Variants in GRIP2 observed in about 807,000 individuals in gnomAD.
GRIP2 encodes glutamate receptor interacting protein 2, also known as glutamate receptor-interacting protein 2.
In GRIP2, 58 loss-of-function variants were observed where a neutral mutation model predicts 108.3. The ratio of observed to expected loss-of-function variants is 0.54; its 90% CI spans 0.43 to 0.67. The LOEUF is 0.67. GRIP2 is among the 30% of genes least tolerant of loss of function. GRIP2 has a pLI of 0.00. For missense variants in GRIP2, 1,278 were observed against 1,430.6 expected, an observed-to-expected ratio of 0.89 and a Z score of 1.72; for synonymous variants, 586 against 598.2, an observed-to-expected ratio of 0.98 and a Z score of 0.30.
the GRIP2 span, among the ~76,000 whole-genome samples, chr3:14,583,860 C>G: frequency 1.5e-3 from 229 of 152,336 alleles, no homozygotes; most frequent in Non-Finnish European, 2.4e-3. Context: ...TTCCCTCCTC[C>G]TCCATCTTGG....
At position 14,494,919 on chromosome 3, in the gene GRIP2, C is replaced by T. The variant is rs370509154; in HGVS notation, c.2894G>A (p.Gly965Asp). The change falls in exon 23 of 24, where the codon GGT (glycine) becomes GAT (aspartate). Residue 965 changes from glycine to aspartate, a missense_variant. Gly to Asp is a moderately conservative substitution (Grantham distance 94). Coordinates refer to ENST00000621039, the MANE Select transcript of GRIP2 (RefSeq NM_001080423.4). Reference protein sequence around the residue: ...FSVSDGLLEKGVYVHTVRPDG... With the variant: ...FSVSDGLLEKDVYVHTVRPDG... ...AGGGCGCACAGTGTGGACATAGACA[C>T]CTTTTTCCAGGAGGCCATCTGAGAC... The T allele has an allele frequency of 6.2e-7, 1 of 1,613,960 alleles. No homozygotes were observed. Among genetic ancestry groups the T allele is most frequent in the Non-Finnish European group, 8.5e-7 (1 of 1,179,856 alleles).
intron 1 of GRIP2, among the ~76,000 whole-genome samples, chr3:14,526,520 T>C (rs1307304725): frequency 1.3e-5 from 2 of 152,230 alleles, no homozygotes; most frequent in Non-Finnish European, 2.9e-5. Context: ...TTCTCAGGCG[T>C]TCTAGGCAGC....
Position 14,527,695 on chromosome 3 carries a change from A to G in GRIP2, c.41-1764T>C, listed in dbSNP as rs1011694504. ...AGCTGAGGTCAGGAGTTCGAGACCA[A>G]TCTGGCCAACAGAGGCATGGCAAAA... On this transcript the variant is annotated intron_variant, in intron 1 of 23. Coordinates refer to ENST00000621039, the MANE Select transcript of GRIP2 (RefSeq NM_001080423.4). Among the ~76,000 whole-genome samples the G allele has an allele frequency of 4.8e-5, 6 of 125,050 alleles. No homozygotes were observed. The South Asian group carries it at 2.0e-3, about 43-fold the overall frequency. 82.0% of individuals were successfully genotyped at this position (125,050 alleles called of 152,430 possible).
At position 14,540,103 on chromosome 3, in the gene GRIP2, C is replaced by G. The variant is rs1012017844; in HGVS notation, c.40+166G>C. Among the ~76,000 whole-genome samples the G allele has an allele frequency of 6.6e-6, 1 of 152,108 alleles. No homozygotes were observed. Among genetic ancestry groups the G allele is most frequent in the South Asian group, 2.1e-4 (1 of 4,828 alleles). ...CTACAGGACAGTGGCCAGGGTCAGA[C>G]AGACAGCCCCAGCAAGTGTCCTGCC... is the stretch of plus-strand genomic sequence containing the variant. On this transcript the variant is annotated intron_variant, in intron 1 of 23. Coordinates refer to ENST00000621039, the MANE Select transcript of GRIP2 (RefSeq NM_001080423.4). The surrounding 1 kb of genome is among the most constrained non-coding windows in gnomAD (Gnocchi z 4.1).
chr3:14,517,323 C>G, intron 10 of GRIP2, 110 bp from the exon 11 acceptor site: 1 of 1,120,444 alleles, frequency 8.9e-7, no homozygotes, highest in Non-Finnish European at 1.2e-6. Context: ...GGATGCCTTC[C>G]CCCTTCACAT....
At chr3:14,552,856 G>T (rs567493978) in intron 1 of GRIP2, among the ~76,000 whole-genome samples, 16 of 152,158 alleles carry the variant, frequency 1.1e-4, no homozygotes, top group African/African-American at 2.4e-5. Flanking sequence ...GACTCCCAAA[G>T]TTCTGGGATT....
At chr3:14,595,913 C>A in the GRIP2 span, among the ~76,000 whole-genome samples, 79 of 152,384 alleles carry the variant, frequency 5.2e-4, no homozygotes, top group African/African-American at 1.7e-3. Context: ...TAGTGAGCAC[C>A]TACTGCATGC....
chr3:14,559,148 C>A (rs1032576699), upstream of GRIP2, among the ~76,000 whole-genome samples: 3 of 152,206 alleles, frequency 2.0e-5, no homozygotes, highest in African/African-American at 7.2e-5. Flanking sequence ...GCCTCAGTTT[C>A]CTCACCTATA....
In GRIP2 at chr3:14,493,603, A is replaced by AC; in HGVS notation, c.*61dup. 1 of 1,485,826 alleles carries AC rather than the reference A, an allele frequency of 6.7e-7. No homozygotes were observed. The highest frequency in any genetic ancestry group is 1.3e-5 in the South Asian group (1 of 77,458). The allele number at this position is 1,485,826 out of a possible 1,614,324, so 92.0% of individuals were successfully genotyped here. A position where few individuals can be genotyped will look rare whatever the true frequency, so the allele number is the denominator to read the frequency against. On this transcript the variant is annotated 3_prime_UTR_variant, in exon 24 of 24. Transcript: ENST00000621039. Reference sequence around the variant, plus strand: ...GGGTGGCCGCTTCTCCAGCCCAGCTACGTGTCTGGGAGCCAGGATCTGCCT... The same window carrying AC: ...GGGTGGCCGCTTCTCCAGCCCAGCTACCGTGTCTGGGAGCCAGGATCTGCCT...
In GRIP2 at chr3:14,506,913, A is replaced by G; in HGVS notation, c.2286T>C (p.Asp762=). 6.2e-7 allele frequency: 1 copy of G among 1,606,774 alleles called. No individual in the cohort carries two copies. The highest frequency in any genetic ancestry group is 8.5e-7 in the Non-Finnish European group (1 of 1,176,784). The part of the protein sequence containing the change: ...ETSDADEDPA[D]ALKGGLPAAR... Reference sequence around the variant, plus strand: ...CTGCTGGCAGGCCTCCTTTCAGGGCATCTGCTGGGTCCTCATCAGCATCAC... The same window carrying G: ...CTGCTGGCAGGCCTCCTTTCAGGGCGTCTGCTGGGTCCTCATCAGCATCAC... The change falls in exon 19 of 24, where the codon GAT becomes GAC. Residue 762 remains aspartate (D), a synonymous_variant. Coordinates refer to ENST00000621039, the MANE Select transcript of GRIP2 (RefSeq NM_001080423.4).
At position 14,492,234 on chromosome 3, in the gene GRIP2, A is replaced by G. The variant is rs537123681; in HGVS notation, c.*1431T>C. 2.0e-5 allele frequency: 3 copies of G among 152,266 alleles called. No individual in the cohort carries two copies. Among genetic ancestry groups the G allele is most frequent in the Non-Finnish European group, 4.4e-5 (3 of 68,088 alleles). The allele number at this position is 152,266 out of a possible 1,614,324, so 9.4% of individuals were successfully genotyped here. A position where few individuals can be genotyped will look rare whatever the true frequency, so the allele number is the denominator to read the frequency against. On this transcript the variant is annotated 3_prime_UTR_variant, in exon 24 of 24. Coordinates refer to ENST00000621039, the MANE Select transcript of GRIP2 (RefSeq NM_001080423.4). ...AAAAGAACAGACCTCTTGACTCCTC[A>G]TCTGTTCCCTCAAATGGAAGAGCAC...
At chr3:14,599,707 G>GTA in the GRIP2 span, among the ~76,000 whole-genome samples, 2 of 149,244 alleles carry the variant, frequency 1.3e-5, no homozygotes, top group Non-Finnish European at 3.0e-5. Flanking sequence ...GTGTGTGTGT[G>GTA]TGTGTTTGTG....
intron 17 of GRIP2, among the ~76,000 whole-genome samples, chr3:14,508,905 G>T (rs1469290127): frequency 6.6e-6 from 1 of 152,154 alleles, no homozygotes; most frequent in Non-Finnish European, 1.5e-5. Context: ...ATTTCAGTTG[G>T]ACAGCACTGA....
chr3:14,598,955 C>T, the GRIP2 span, among the ~76,000 whole-genome samples: 1 of 152,144 alleles, frequency 6.6e-6, no homozygotes, highest in Non-Finnish European at 1.5e-5. Flanking sequence ...CCTCCCTGAT[C>T]ATCCTAGGCC....
intron 1 of GRIP2, among the ~76,000 whole-genome samples, chr3:14,533,372 G>T: frequency 6.6e-6 from 1 of 152,222 alleles, no homozygotes; most frequent in East Asian, 1.9e-4. Flanking sequence ...GAAGACCAGA[G>T]ATAAGCTTGC....
rs779354389 is a variant in GRIP2, at chr3:14,496,428, C to T, written c.2812G>A (p.Glu938Lys). 2 of 1,611,478 alleles carry T rather than the reference C, an allele frequency of 1.2e-6. No individual in the cohort carries two copies. Among genetic ancestry groups the T allele is most frequent in the East Asian group, 4.5e-5 (2 of 44,808 alleles). Residue 938 changes from glutamate (E) to lysine (K), a missense_variant, in exon 22 of 24, where the codon GAG becomes AAG. Coordinates refer to ENST00000621039, the MANE Select transcript of GRIP2 (RefSeq NM_001080423.4). ...MEELLLPTPL[E>K]MHKVTLHKDP... ...CCCCCTGTGCCTACCTTGTGCATCTCCAAGGGTGTAGGCAGCAACAGCTCC... is the reference window on the plus strand; with the variant it reads ...CCCCCTGTGCCTACCTTGTGCATCTTCAAGGGTGTAGGCAGCAACAGCTCC...
rs1202805173 is a variant in GRIP2 at position 14,492,344 on chromosome 3, G to A, written c.*1321C>T. ...TTTTCCTGAGACCCCTGTGAGAACT[G>A]GGCCAGGCAAAGCACATCCCCAGCC... On this transcript the variant is annotated 3_prime_UTR_variant, in exon 24 of 24. Coordinates refer to ENST00000621039, the MANE Select transcript of GRIP2 (RefSeq NM_001080423.4). The A allele has an allele frequency of 6.6e-6, 1 of 152,290 alleles. No homozygotes were observed. The highest frequency in any genetic ancestry group is 1.5e-5 in the Non-Finnish European group (1 of 68,132). 9.4% of individuals were successfully genotyped at this position (152,290 alleles called of 1,614,324 possible). A position where few individuals can be genotyped will look rare whatever the true frequency, so the allele number is the denominator to read the frequency against.
upstream of GRIP2, among the ~76,000 whole-genome samples, chr3:14,558,332 C>G (rs545566868): frequency 1.1e-3 from 162 of 152,294 alleles, no homozygotes; most frequent in African/African-American, 3.7e-3. Flanking sequence ...TGGGCCGAGC[C>G]CCGCCTGGCT....
upstream of GRIP2, among the ~76,000 whole-genome samples, chr3:14,544,857 A>G (rs1392594683): frequency 6.6e-6 from 1 of 152,156 alleles, no homozygotes; most frequent in Non-Finnish European, 1.5e-5. Flanking sequence ...GAGGGGCACT[A>G]GGGGACCCCC....
Sources: allele counts gnomAD v4.1 joint callset (sites outside exome capture counted in the v4.1 genomes callset), GRCh38; gene constraint gnomAD v4.1.1; non-coding constraint Gnocchi (gnomAD v3.1); transcripts MANE v1.5; gene names NCBI Gene and HGNC (gene_info 2026-07-23, HGNC 2026-07-21).